Variants in TMEM232 observed in about 807,000 individuals in gnomAD.
TMEM232 encodes the protein transmembrane protein 232.
A neutral mutation model predicts 78.8 loss-of-function variants in TMEM232; 80 were observed. The ratio of observed to expected loss-of-function variants is 1.01; its 90% confidence interval spans 0.85 to 1.22. The LOEUF (loss-of-function observed/expected upper bound fraction) is 1.22, where lower values mean the gene tolerates loss of function less well. Ranked by LOEUF, TMEM232 falls within the 50% of genes most tolerant of loss-of-function variation. The probability of loss-of-function intolerance (pLI) is 0.00; values close to 1 mark genes in which losing one functional copy is unlikely to be tolerated. For missense variants in TMEM232, 881 were observed against 742.2 expected, an observed-to-expected ratio of 1.19 and a Z score of -2.17; for synonymous variants, 297 against 254.3, an observed-to-expected ratio of 1.17 and a Z score of -1.60.
chr5:110,587,882 C>T (rs1159778975), intron 10 of TMEM232, among the ~76,000 whole-genome samples: 1 of 150,934 alleles, frequency 6.6e-6, no homozygotes, highest in Non-Finnish European at 1.5e-5. Flanking sequence ...TGATACTATA[C>T]TTTTAGATGT....
intron 10 of TMEM232, among the ~76,000 whole-genome samples, chr5:110,597,724 T>A (rs1443113695): frequency 6.6e-6 from 1 of 151,662 alleles, no homozygotes; most frequent in East Asian, 1.9e-4. Context: ...TCTACAACTA[T>A]CTGATCTTTG....
At chr5:110,459,897 G>A (rs1444726780) in intron 12 of TMEM232, among the ~76,000 whole-genome samples, 1 of 152,084 alleles carries the variant, frequency 6.6e-6, no homozygotes, top group African/African-American at 2.4e-5. Context: ...AACTAATCAT[G>A]AGGAAAAATT....
intron 6 of TMEM232, among the ~76,000 whole-genome samples, chr5:110,627,031 T>C (rs138821667): frequency 1.1e-4 from 17 of 152,088 alleles, no homozygotes; most frequent in African/African-American, 3.6e-4. Flanking sequence ...GCTTCACTTA[T>C]TTCCCTAGTT....
At chr5:110,500,288 C>CAAAAAAAAAAAAAAA in intron 12 of TMEM232, among the ~76,000 whole-genome samples, 1 of 70,698 alleles carries the variant, frequency 1.4e-5, no homozygotes, top group East Asian at 3.4e-4. Flanking sequence ...GACTCTGTCT[C>CAAAAAAAAAAAAAAA]AAAAAAAAAA....
chr5:110,535,474 C>A (rs1486608615), intron 11 of TMEM232, among the ~76,000 whole-genome samples: 6 of 152,180 alleles, frequency 3.9e-5, no homozygotes, highest in East Asian at 3.9e-4. Flanking sequence ...ATTGCTCACA[C>A]AAAGCCTGTT....
intron 12 of TMEM232, among the ~76,000 whole-genome samples, chr5:110,523,720 AAGG>A (rs1255046061): frequency 6.6e-6 from 1 of 151,988 alleles, no homozygotes; most frequent in Non-Finnish European, 1.5e-5. Context: ...TGGGAGGTAA[AAGG>A]AGGAGAACTG....
At chr5:110,642,224 G>A in intron 3 of TMEM232, 36 bp downstream of exon 3, 3 of 1,344,010 alleles carry the variant, frequency 2.2e-6, no homozygotes, top group Non-Finnish European at 3.0e-6. Flanking sequence ...TAGAAAGGAA[G>A]TTAACATGCT....
chr5:110,521,487 G>C (rs1769496739), intron 12 of TMEM232, among the ~76,000 whole-genome samples: 1 of 152,002 alleles, frequency 6.6e-6, no homozygotes, highest in Non-Finnish European at 1.5e-5. Flanking sequence ...AATTGTTTTT[G>C]TCACCCGGAG....
Position 110,627,900 on chromosome 5 carries a change from A to G in TMEM232, c.502-20T>C, listed in dbSNP as rs1379094157. The stretch of plus-strand genomic sequence containing the variant: ...GCCAATCTGTCAAAAGAGAAAAGAA[A>G]AATACATTTTTGTGTTGCATCAATA... On this transcript the variant is annotated intron_variant, in intron 5 of 13. Transcript: ENST00000455884. 1.4e-6 allele frequency: 2 copies of G among 1,447,804 alleles called. No individual in the cohort carries two copies. The allele number at this position is 1,447,804 out of a possible 1,614,324, so 89.7% of individuals were successfully genotyped here. A position where few individuals can be genotyped will look rare whatever the true frequency, so the allele number is the denominator to read the frequency against.
At chr5:110,652,669 A>G (rs72773135) in intron 2 of TMEM232, among the ~76,000 whole-genome samples, 11,448 of 152,230 alleles carry the variant, frequency 0.075, 542 homozygotes, top group South Asian at 0.2. Flanking sequence ...AGCTATTTTA[A>G]CCAATTCCTG....
chr5:110,614,445 C>T (rs907891512), intron 8 of TMEM232, among the ~76,000 whole-genome samples: 1 of 151,934 alleles, frequency 6.6e-6, no homozygotes, highest in Non-Finnish European at 1.5e-5. Context: ...TTATAAAATA[C>T]TAAGTATTTA....
At chr5:110,551,355 T>C (rs1277024901) in intron 11 of TMEM232, among the ~76,000 whole-genome samples, 1 of 151,976 alleles carries the variant, frequency 6.6e-6, no homozygotes, top group Non-Finnish European at 1.5e-5. Context: ...TCCCAGTAGA[T>C]GGGATTACAG....
chr5:110,622,568 C>T (rs574352129), intron 7 of TMEM232, among the ~76,000 whole-genome samples: 41 of 152,186 alleles, frequency 2.7e-4, no homozygotes, highest in Non-Finnish European at 4.0e-4. Context: ...ATATGTGCCA[C>T]ATTTTCTTAA....
At position 110,391,291 on chromosome 5, in the gene TMEM232, ATGTGTGTGTG is replaced by A. The variant is rs369913835; in HGVS notation, n.391-661_391-652del. 4.4e-4 allele frequency among the ~76,000 whole-genome samples: 57 copies of A among 130,662 alleles called. 3 individuals carry two copies. Among genetic ancestry groups the A allele is most frequent in the African/African-American group, 1.3e-3 (41 of 32,388 alleles). 85.7% of individuals were successfully genotyped at this position (130,662 alleles called of 152,430 possible). On this transcript the variant is annotated intron_variant and non_coding_transcript_variant, in intron 3 of 8. Coordinates refer to the TMEM232 transcript ENST00000507188. The stretch of plus-strand genomic sequence containing the variant: ...AAAGAAGTCTGAGGCTCCCGTTTGA[ATGTGTGTGTG>A]TGTGTGTGTGTGTGTGTGTGTGTGT...
At chr5:110,580,496 T>C (rs1410579520) in intron 10 of TMEM232, among the ~76,000 whole-genome samples, 1 of 151,686 alleles carries the variant, frequency 6.6e-6, no homozygotes, top group Non-Finnish European at 1.5e-5. Context: ...AGTGGTAAAA[T>C]TGCCTAATGA....
At chr5:110,671,797 T>C (rs1006513346) in intron 1 of TMEM232, among the ~76,000 whole-genome samples, 8 of 152,208 alleles carry the variant, frequency 5.3e-5, no homozygotes, top group Non-Finnish European at 8.8e-5. Flanking sequence ...TTAATGTAGA[T>C]GATGGGTTGA....
intron 12 of TMEM232, among the ~76,000 whole-genome samples, chr5:110,494,831 C>A (rs1765473535): frequency 6.6e-6 from 1 of 151,552 alleles, no homozygotes; most frequent in Non-Finnish European, 1.5e-5. Context: ...ATTGATTAAT[C>A]AAAAATAATT....
chr5:110,453,771 G>A (rs932861107), intron 12 of TMEM232, among the ~76,000 whole-genome samples: 7 of 151,570 alleles, frequency 4.6e-5, no homozygotes, highest in Non-Finnish European at 8.8e-5. Context: ...TCAGTCTGCT[G>A]AGTTCTTTTA....
chr5:110,578,382 A>G (rs1277626315), intron 10 of TMEM232, among the ~76,000 whole-genome samples: 1 of 152,030 alleles, frequency 6.6e-6, no homozygotes, highest in African/African-American at 2.4e-5. Context: ...TACCTTTATA[A>G]CTACATTATG....
Sources: gnomAD v4.1 joint callset for allele counts (sites outside exome capture counted in the v4.1 genomes callset) on GRCh38, gnomAD v4.1.1 for gene constraint, MANE v1.5 for transcripts, NCBI Gene and HGNC (gene_info 2026-07-23, HGNC 2026-07-21) for gene names.